The following ABI2 variants were observed in gnomAD, a reference collection of about 807,000 sequenced individuals.
ABI2 encodes the protein abl interactor 2, also known as abelson interactor 2.
Under a neutral mutation model 59.2 loss-of-function variants are expected in ABI2, and 25 were observed. The ratio of observed to expected loss-of-function variants is 0.42; its 90% CI spans 0.31 to 0.59. ABI2 has a LOEUF of 0.59. Ranked by LOEUF, ABI2 falls within the 20% of genes least tolerant of loss-of-function variation. The pLI is 0.14. For missense variants in ABI2, 545 were observed against 681.8 expected (o/e 0.80, Z 2.23); for synonymous variants, 213 against 235.5 (o/e 0.90, Z 0.87).
chr2:203,406,195 C>G (rs1559351938), intron 9 of ABI2, among the ~76,000 whole-genome samples: 1 of 152,032 alleles, frequency 6.6e-6, no homozygotes, highest in Non-Finnish European at 1.5e-5. Context: ...CCTTGGTGGT[C>G]AAGAAGAATA....
At chr2:203,397,017 C>CCTG in intron 8 of ABI2, 50 bp downstream of exon 8, 2 of 1,322,760 alleles carry the variant, frequency 1.5e-6, no homozygotes, top group Admixed American at 3.8e-5. Context: ...TCTGGCTATT[C>CCTG]TCTTACTTGC....
intron 7 of ABI2, 60 bp downstream of exon 7, chr2:203,395,840 A>G: frequency 6.7e-7 from 1 of 1,483,356 alleles, no homozygotes; most frequent in Admixed American, 2.3e-5. Context: ...TCAATTTGTG[A>G]TTTAATTATG....
chr2:203,401,291 T>A (rs1013275547), intron 8 of ABI2, among the ~76,000 whole-genome samples: 4 of 151,874 alleles, frequency 2.6e-5, no homozygotes, highest in African/African-American at 9.7e-5. Context: ...TCCACCTTCA[T>A]CTCCTCCTCC....
At chr2:203,415,765 T>C (rs1048091692) in intron 10 of ABI2, among the ~76,000 whole-genome samples, 6 of 152,150 alleles carry the variant, frequency 3.9e-5, no homozygotes, top group African/African-American at 1.4e-4. Context: ...TCATTAAACC[T>C]GGGGAGCTGA....
At chr2:203,417,833 A>G (rs2097966950) in intron 11 of ABI2, among the ~76,000 whole-genome samples, 1 of 152,232 alleles carries the variant, frequency 6.6e-6, no homozygotes. Context: ...TGGTTTTCAG[A>G]CATTGAACAA....
intron 4 of ABI2, among the ~76,000 whole-genome samples, chr2:203,389,249 C>T (rs1016749161): frequency 6.6e-6 from 1 of 152,136 alleles, no homozygotes; most frequent in Admixed American, 6.5e-5. Context: ...TTTACTCTTA[C>T]TTGATAATGT....
At chr2:203,387,442 G>A (rs984249072) in intron 4 of ABI2, among the ~76,000 whole-genome samples, 5 of 152,166 alleles carry the variant, frequency 3.3e-5, no homozygotes, top group South Asian at 2.1e-4. Context: ...TTCTACCTCC[G>A]GTGGTATTTG....
At chr2:203,413,944 T>G (rs1288927180) in intron 10 of ABI2, among the ~76,000 whole-genome samples, 1 of 152,192 alleles carries the variant, frequency 6.6e-6, no homozygotes, top group African/African-American at 2.4e-5. Context: ...GTTATTCCCC[T>G]TAAAATCTTT....
chr2:203,375,884 A>G (rs1033780677), intron 2 of ABI2: 26 of 434,774 alleles, frequency 6.0e-5, no homozygotes, highest in African/African-American at 4.8e-4. Flanking sequence ...TCAAACTCCA[A>G]ATAGAACCGT....
intron 1 of ABI2, among the ~76,000 whole-genome samples, chr2:203,332,378 G>A (rs192561934): frequency 1.2e-4 from 18 of 152,130 alleles, no homozygotes; most frequent in African/African-American, 4.3e-4. Context: ...TGTAATCCCA[G>A]CACTTTGGGA....
intron 1 of ABI2, among the ~76,000 whole-genome samples, chr2:203,330,310 C>T (rs1195772783): frequency 6.7e-6 from 1 of 149,528 alleles, no homozygotes; most frequent in Non-Finnish European, 1.5e-5. Context: ...CAAATGTCCA[C>T]TTGTAATGTA....
intron 1 of ABI2, among the ~76,000 whole-genome samples, chr2:203,332,950 AGAG>A (rs2074575666): frequency 6.6e-6 from 1 of 152,210 alleles, no homozygotes. Context: ...TTTATTCAAA[AGAG>A]AAGAAATTAA....
intron 10 of ABI2, among the ~76,000 whole-genome samples, chr2:203,413,954 T>C (rs1321943618): frequency 6.6e-6 from 1 of 152,144 alleles, no homozygotes; most frequent in East Asian, 1.9e-4. Flanking sequence ...TTAAAATCTT[T>C]CTGTGGCTCA....
intron 1 of ABI2, 55 bp downstream of exon 1, chr2:203,328,686 C>T: frequency 8.5e-6 from 11 of 1,288,698 alleles, no homozygotes; most frequent in African/African-American, 1.6e-5. Flanking sequence ...GGGGGCCGCG[C>T]GCCTCGGGGC....
At chr2:203,362,652 A>T (rs1464091433) in intron 1 of ABI2, among the ~76,000 whole-genome samples, 4 of 151,152 alleles carry the variant, frequency 2.6e-5, no homozygotes, top group African/African-American at 9.7e-5. Context: ...TCAGCCTTCC[A>T]AGTAGCTGGG....
chr2:203,380,034 A>G (rs2096010072), intron 2 of ABI2, among the ~76,000 whole-genome samples, 174 bp from the exon 3 acceptor site: 1 of 152,240 alleles, frequency 6.6e-6, no homozygotes, highest in Non-Finnish European at 1.5e-5. Context: ...ATGGTTTACC[A>G]GCCCTTGCTT....
intron 2 of ABI2, among the ~76,000 whole-genome samples, chr2:203,368,984 ATTTTTTTTTTTTTTTT>A (rs71007508): frequency 6.6e-5 from 6 of 91,084 alleles, no homozygotes; most frequent in South Asian, 3.7e-4. Flanking sequence ...TGCTTGGCTG[ATTTTTTTTTTTTTTTT>A]TTTTTTTTTT....
intron 2 of ABI2, among the ~76,000 whole-genome samples, chr2:203,379,016 T>G (rs2095912070): frequency 6.6e-6 from 1 of 152,234 alleles, no homozygotes; most frequent in Non-Finnish European, 1.5e-5. Flanking sequence ...ACCACTAAAT[T>G]GCAGCTTGCA....
At chr2:203,372,731 G>T (rs2095358534) in intron 2 of ABI2, among the ~76,000 whole-genome samples, 2 of 151,172 alleles carry the variant, frequency 1.3e-5, no homozygotes, top group Non-Finnish European at 3.0e-5. Context: ...CTGCCGGGCG[G>T]AGGGGCTCCT....
Sources: gnomAD v4.1 joint callset for allele counts (sites outside exome capture counted in the v4.1 genomes callset) on GRCh38, gnomAD v4.1.1 for gene constraint, MANE v1.5 for transcripts, NCBI Gene and HGNC (gene_info 2026-07-23, HGNC 2026-07-21) for gene names.